Variants in SEC14L1 observed in about 807,000 individuals in gnomAD.
The protein encoded by SEC14L1 is SEC14-like protein 1.
SEC14L1 carries 48 observed loss-of-function variants against 85.3 expected under a neutral mutation model. The ratio of observed to expected loss-of-function variants is 0.56; its 90% CI spans 0.45 to 0.72. The LOEUF (loss-of-function observed/expected upper bound fraction) is 0.72. Ranked by LOEUF, SEC14L1 falls within the 30% of genes least tolerant of loss-of-function variation. The pLI is 0.00. For synonymous variants in SEC14L1, 391 were observed against 355.5 expected, an observed-to-expected ratio of 1.10 and a Z score of -1.12; for missense variants, 682 against 921.4, an observed-to-expected ratio of 0.74 and a Z score of 3.36.
intron 9 of SEC14L1, among the ~76,000 whole-genome samples, chr17:77,203,195 C>G (rs897352946): frequency 7.2e-5 from 11 of 152,132 alleles, no homozygotes; most frequent in Non-Finnish European, 1.3e-4. Context: ...AAAATCAGAG[C>G]TCTTGGGCAG....
chr17:77,145,579 T>C (rs1178207611), intron 3 of SEC14L1, among the ~76,000 whole-genome samples: 2 of 152,216 alleles, frequency 1.3e-5, no homozygotes, highest in African/African-American at 4.8e-5. Flanking sequence ...TTTTATGTTG[T>C]TGACTTACCA....
chr17:77,137,033 C>T (rs1268359403), upstream of SEC14L1, among the ~76,000 whole-genome samples: 1 of 151,994 alleles, frequency 6.6e-6, no homozygotes. Context: ...CCTCAGCCTC[C>T]AGAGTAGCTG....
intron 3 of SEC14L1, among the ~76,000 whole-genome samples, chr17:77,145,928 G>A (rs544292308): frequency 1.3e-5 from 2 of 152,210 alleles, no homozygotes; most frequent in African/African-American, 2.4e-5. Context: ...GCTCGAGGAC[G>A]TGCTTAGCTG....
At chr17:77,176,097 C>T (rs764518014) in intron 3 of SEC14L1, among the ~76,000 whole-genome samples, 2 of 152,010 alleles carry the variant, frequency 1.3e-5, no homozygotes, top group African/African-American at 4.8e-5. Flanking sequence ...TGAGACCAGC[C>T]TGACCAACAT....
At chr17:77,136,979 G>C (rs1972818449), upstream of SEC14L1, among the ~76,000 whole-genome samples, 1 of 150,380 alleles carries the variant, frequency 6.6e-6, no homozygotes, top group African/African-American at 2.5e-5. Flanking sequence ...GTGCGGTCTC[G>C]GCTCACCGCA....
chr17:77,157,911 T>C (rs964356019), intron 3 of SEC14L1, among the ~76,000 whole-genome samples: 2 of 152,164 alleles, frequency 1.3e-5, no homozygotes, highest in Non-Finnish European at 2.9e-5. Context: ...TGTTTTCATG[T>C]GACGGATTTA....
intron 14 of SEC14L1, 37 bp from the exon 15 acceptor site, chr17:77,211,913 C>G (rs375452330): frequency 1.2e-6 from 2 of 1,605,624 alleles, no homozygotes; most frequent in Non-Finnish European, 1.7e-6. Context: ...GCCTGGTGCT[C>G]GTGGATCGTG....
intron 3 of SEC14L1, among the ~76,000 whole-genome samples, chr17:77,099,373 G>A (rs1971716186): frequency 6.6e-6 from 1 of 152,164 alleles, no homozygotes; most frequent in Admixed American, 6.6e-5. Flanking sequence ...TCTGACATGA[G>A]CCTATTTGAA....
At chr17:77,101,721 C>G (rs926786234) in intron 3 of SEC14L1, among the ~76,000 whole-genome samples, 4 of 152,198 alleles carry the variant, frequency 2.6e-5, no homozygotes, top group African/African-American at 9.6e-5. Flanking sequence ...CATGCTGATA[C>G]TGCTGGTCTG....
At chr17:77,092,421 G>C (rs1264439052) in intron 2 of SEC14L1, among the ~76,000 whole-genome samples, 1 of 152,154 alleles carries the variant, frequency 6.6e-6, no homozygotes, top group Non-Finnish European at 1.5e-5. Context: ...AGTAAAGGCT[G>C]TTTCCATCTG....
intron 10 of SEC14L1, among the ~76,000 whole-genome samples, chr17:77,204,549 T>TA (rs1433814892): frequency 3.1e-5 from 4 of 127,828 alleles, no homozygotes; most frequent in African/African-American, 6.0e-5. Flanking sequence ...TTTTTTTTTT[T>TA]AAAGAGACAT....
At chr17:77,101,203 G>A (rs1301074964) in intron 3 of SEC14L1, among the ~76,000 whole-genome samples, 2 of 151,460 alleles carry the variant, frequency 1.3e-5, no homozygotes, top group Non-Finnish European at 2.9e-5. Flanking sequence ...TTGAGACAGA[G>A]TCTCGCCCTG....
chr17:77,197,001 G>T (rs960390740), intron 8 of SEC14L1, among the ~76,000 whole-genome samples: 1 of 152,142 alleles, frequency 6.6e-6, no homozygotes, highest in Non-Finnish European at 1.5e-5. Context: ...GGTTTTACAC[G>T]TGAGGAAACT....
In SEC14L1 at chr17:77,215,972, G is replaced by A. The variant is rs1977034896; in HGVS notation, c.*1949G>A. 2.9e-6 allele frequency: 2 copies of A among 685,710 alleles called. 1 individual carries two copies. Among genetic ancestry groups the A allele is most frequent in the African/African-American group, 4.5e-5 (2 of 44,376 alleles). 42.5% of individuals were successfully genotyped at this position (685,710 alleles called of 1,614,324 possible). A position where few individuals can be genotyped will look rare whatever the true frequency, so the allele number is the denominator to read the frequency against. On this transcript the variant is annotated 3_prime_UTR_variant, in exon 17 of 17. Transcript: ENST00000436233. The stretch of plus-strand genomic sequence containing the variant: ...AGGTAGGGTTAGGTAGGGTTCGTAG[G>A]TAGGGTTAGTAGGTAGGGCTAGTAG...
At chr17:77,117,226 A>T (rs1266217175) in intron 3 of SEC14L1, among the ~76,000 whole-genome samples, 3 of 152,174 alleles carry the variant, frequency 2.0e-5, no homozygotes, top group Non-Finnish European at 2.9e-5. Flanking sequence ...ACATGCCTAT[A>T]GTCCCAGCTA....
intron 3 of SEC14L1, among the ~76,000 whole-genome samples, chr17:77,166,342 A>G (rs754432256): frequency 1.9e-4 from 29 of 152,316 alleles, no homozygotes; most frequent in Non-Finnish European, 4.1e-4. Flanking sequence ...TTGAAGCTTA[A>G]TGAAATTAAA....
intron 3 of SEC14L1, among the ~76,000 whole-genome samples, chr17:77,098,586 G>A (rs1470804677): frequency 6.6e-6 from 1 of 152,116 alleles, no homozygotes; most frequent in Non-Finnish European, 1.5e-5. Flanking sequence ...TTTGGCTCAT[G>A]TTGAGCCACA....
In SEC14L1 at chr17:77,194,145, A is replaced by C. The variant is rs78377103; in HGVS notation, c.475-532A>C. Among the ~76,000 whole-genome samples the C allele has an allele frequency of 8.5e-3, 1,298 of 152,358 alleles. 8 individuals carry two copies. The highest frequency in any genetic ancestry group is 0.015 in the Non-Finnish European group (1,018 of 68,026). On this transcript the variant is annotated intron_variant, in intron 6 of 16. Transcript: ENST00000436233. Reference sequence around the variant, plus strand: ...TCATATAAAAATTCCATCTCATTAGATACCATTTCCTAAACCTTGGAAAAT... The same window carrying C: ...TCATATAAAAATTCCATCTCATTAGCTACCATTTCCTAAACCTTGGAAAAT...
chr17:77,172,600 T>A (rs1974564461), intron 3 of SEC14L1, among the ~76,000 whole-genome samples: 1 of 152,184 alleles, frequency 6.6e-6, no homozygotes, highest in Non-Finnish European at 1.5e-5. Context: ...CTCTATAGAT[T>A]TATCTTTCCA....
Sources: gnomAD v4.1 joint callset for allele counts (sites outside exome capture counted in the v4.1 genomes callset) on GRCh38, gnomAD v4.1.1 for gene constraint, MANE v1.5 for transcripts, NCBI Gene and HGNC (gene_info 2026-07-23, HGNC 2026-07-21) for gene names.